IL7: variants seen among roughly 807,000 people sequenced by gnomAD.
The protein encoded by IL7 is interleukin 7, also known as interleukin-7.
IL7 carries 3 observed loss-of-function variants against 21.6 expected under a neutral mutation model. That is an observed-to-expected ratio of 0.14 (90% CI 0.06 to 0.36). The LOEUF (loss-of-function observed/expected upper bound fraction) is 0.36, where lower values mean the gene tolerates loss of function less well. IL7 is among the 10% of genes least tolerant of loss of function. The pLI is 1.00. For missense variants in IL7, 175 were observed against 200.2 expected (o/e 0.87, Z 0.76); for synonymous variants, 62 against 68.1 (o/e 0.91, Z 0.44).
At chr8:78,753,212 G>C (rs551127838) in intron 2 of IL7, among the ~76,000 whole-genome samples, 1 of 152,126 alleles carries the variant, frequency 6.6e-6, no homozygotes, top group Non-Finnish European at 1.5e-5. Context: ...GTGCAAAAAC[G>C]TTCCTATTTC....
chr8:78,707,886 T>C (rs1376446967), intron 3 of IL7, among the ~76,000 whole-genome samples: 1 of 151,302 alleles, frequency 6.6e-6, no homozygotes, highest in Admixed American at 6.6e-5. Flanking sequence ...AGTGAAGTAA[T>C]GATTTGTTTC....
At chr8:78,758,418 T>C (rs1483241706) in intron 2 of IL7, among the ~76,000 whole-genome samples, 2 of 152,106 alleles carry the variant, frequency 1.3e-5, no homozygotes, top group East Asian at 1.9e-4. Flanking sequence ...CTTTCTTGCT[T>C]TCATTAGTGT....
In IL7 at chr8:78,805,020, A is replaced by T; in HGVS notation, c.-98T>A. 1 of 1,364,192 alleles carries T rather than the reference A, an allele frequency of 7.3e-7. No individual in the cohort carries two copies. 84.5% of individuals were successfully genotyped at this position (1,364,192 alleles called of 1,614,324 possible). A position where few individuals can be genotyped will look rare whatever the true frequency, so the allele number is the denominator to read the frequency against. The stretch of plus-strand genomic sequence containing the variant: ...CTCCCAGGACCCTGGTCTTCCGCGG[A>T]GTTGCCGAGTCTGTGTTGGGCAGGG... On this transcript the variant is annotated 5_prime_UTR_variant, in exon 1 of 6. Transcript: ENST00000263851.
chr8:78,744,178 G>C (rs1423779196), intron 2 of IL7, among the ~76,000 whole-genome samples: 1 of 151,972 alleles, frequency 6.6e-6, no homozygotes, highest in African/African-American at 2.4e-5. Context: ...CCACAGGCTG[G>C]ACAGGTTCAG....
downstream of IL7, among the ~76,000 whole-genome samples, chr8:78,728,609 CAAAT>C (rs1052612338): frequency 1.3e-5 from 2 of 151,986 alleles, no homozygotes; most frequent in Non-Finnish European, 2.9e-5. Context: ...GTCTCATACA[CAAAT>C]AAGTCATGAA....
At chr8:78,779,844 T>A (rs1813263961) in intron 2 of IL7, among the ~76,000 whole-genome samples, 1 of 152,160 alleles carries the variant, frequency 6.6e-6, no homozygotes, top group South Asian at 2.1e-4. Flanking sequence ...CTGGTAGAAT[T>A]CAGCTCTAAA....
intron 5 of IL7, 49 bp from the exon 6 acceptor site, chr8:78,733,881 A>G: frequency 1.6e-6 from 2 of 1,233,248 alleles, no homozygotes; most frequent in Non-Finnish European, 2.2e-6. Context: ...TTACAAAAAT[A>G]TATATTTTAA....
At chr8:78,687,567 ATT>A (rs1360948812) in intron 3 of IL7, among the ~76,000 whole-genome samples, 1 of 142,822 alleles carries the variant, frequency 7.0e-6, no homozygotes, top group African/African-American at 2.5e-5. Context: ...TACATAATAA[ATT>A]ATATATATTT....
chr8:78,792,197 T>C (rs1813720396), intron 2 of IL7, among the ~76,000 whole-genome samples: 1 of 152,008 alleles, frequency 6.6e-6, no homozygotes, highest in Non-Finnish European at 1.5e-5. Flanking sequence ...AAAATATAAT[T>C]TTCAATATCA....
At chr8:78,785,297 T>C (rs544014495) in intron 2 of IL7, among the ~76,000 whole-genome samples, 1 of 152,346 alleles carries the variant, frequency 6.6e-6, no homozygotes, top group South Asian at 2.1e-4. Flanking sequence ...GAATTTTCTT[T>C]GGTAGGAACA....
At chr8:78,686,316 C>G (rs1364517447) in intron 3 of IL7, 4 of 695,290 alleles carry the variant, frequency 5.8e-6, no homozygotes, top group Non-Finnish European at 4.0e-6. Flanking sequence ...TAAAGTTTCT[C>G]TTTAAAATTA....
At chr8:78,699,623 C>T (rs1488111821) in intron 3 of IL7, among the ~76,000 whole-genome samples, 1 of 152,018 alleles carries the variant, frequency 6.6e-6, no homozygotes, top group African/African-American at 2.4e-5. Flanking sequence ...TCCTCTTATC[C>T]TCCACCCTCC....
downstream of IL7, among the ~76,000 whole-genome samples, chr8:78,731,460 TAATATACTTATAAGAATTGTG>T (rs1164124595): frequency 1.1e-4 from 17 of 151,956 alleles, no homozygotes; most frequent in Non-Finnish European, 2.4e-4. Context: ...TTAGGGATTT[TAATATACTTATAAGAATTGTG>T]AACCTCCAAG....
In IL7 at chr8:78,784,020, A is replaced by G. The variant is rs184025923; in HGVS notation, c.147+14052T>C. Among the ~76,000 whole-genome samples, 21 of 152,322 alleles carry G rather than the reference A, an allele frequency of 1.4e-4. No individual in the cohort carries two copies. The East Asian group carries it at 1.7e-3, about 13-fold the overall frequency. ...GTGAGAAGTCACTGATAGAGCCAAT[A>G]TGGTGAAGACTATAAGTCATATAAT... On this transcript the variant is annotated intron_variant, in intron 2 of 5. Transcript: ENST00000263851.
chr8:78,759,016 A>C (rs1011935438), intron 2 of IL7, among the ~76,000 whole-genome samples: 8 of 151,228 alleles, frequency 5.3e-5, no homozygotes, highest in Non-Finnish European at 8.8e-5. Flanking sequence ...ATGGTGTCCT[A>C]TATGTCATTA....
chr8:78,693,702 A>G (rs1316278302), intron 3 of IL7, among the ~76,000 whole-genome samples: 1 of 152,116 alleles, frequency 6.6e-6, no homozygotes, highest in East Asian at 1.9e-4. Flanking sequence ...CTCTGATGGT[A>G]GTTTCTTCTG....
At chr8:78,679,851 G>A (rs1809711292) in intron 4 of IL7, among the ~76,000 whole-genome samples, 1 of 152,086 alleles carries the variant, frequency 6.6e-6, no homozygotes. Context: ...AAGTAAGGAT[G>A]GTGGGGTTTG....
At chr8:78,706,295 T>G (rs1486182926) in intron 3 of IL7, among the ~76,000 whole-genome samples, 1 of 152,166 alleles carries the variant, frequency 6.6e-6, no homozygotes, top group Non-Finnish European at 1.5e-5. Context: ...TCAGCCTTTT[T>G]TCCTAAGGGT....
At chr8:78,694,400 C>T (rs116626636) in intron 3 of IL7, among the ~76,000 whole-genome samples, 3,003 of 151,752 alleles carry the variant, frequency 0.02, 98 homozygotes, top group African/African-American at 0.069. Flanking sequence ...ATGCCTTCTT[C>T]CAGAGAAGAT....
Sources: allele counts gnomAD v4.1 joint callset (sites outside exome capture counted in the v4.1 genomes callset), GRCh38; gene constraint gnomAD v4.1.1; transcripts MANE v1.5; gene names NCBI Gene and HGNC (gene_info 2026-07-23, HGNC 2026-07-21).